Variants in PCDHA1 observed in about 807,000 individuals in gnomAD.
PCDHA1 encodes the protein protocadherin alpha 1.
PCDHA1 carries 42 observed loss-of-function variants against 61.3 expected under a neutral mutation model. That is an observed-to-expected ratio of 0.69 (90% CI 0.54 to 0.89). The LOEUF (loss-of-function observed/expected upper bound fraction) is 0.89. Ranked by LOEUF, PCDHA1 falls within the 40% of genes least tolerant of loss-of-function variation. PCDHA1 has a pLI of 0.00. For synonymous variants in PCDHA1, 610 were observed against 553.8 expected (o/e 1.10, Z -1.43); for missense variants, 1,256 against 1,235.3 (o/e 1.02, Z -0.25).
chr5:140,996,785 C>G (rs1423473534), intron 3 of PCDHA1, among the ~76,000 whole-genome samples: 2 of 152,148 alleles, frequency 1.3e-5, no homozygotes, highest in Admixed American at 6.5e-5. Context: ...TAGTGCCTCA[C>G]TCCCTACATC....
At chr5:140,853,460 T>C in intron 1 of PCDHA1, 2 of 974,384 alleles carry the variant, frequency 2.1e-6, no homozygotes, top group Non-Finnish European at 2.5e-6. Flanking sequence ...TCTCCTTATA[T>C]GCATCTGTAG....
chr5:140,802,698 G>C (rs781931721), intron 1 of PCDHA1: 2 of 1,612,730 alleles, frequency 1.2e-6, no homozygotes, highest in Non-Finnish European at 1.7e-6. Context: ...GCGGGTGGGG[G>C]AGCGCGCGCT....
intron 1 of PCDHA1, among the ~76,000 whole-genome samples, chr5:140,879,426 G>T (rs2057986144): frequency 6.6e-6 from 1 of 152,302 alleles, no homozygotes; most frequent in South Asian, 2.1e-4. Flanking sequence ...GAATGGAGAT[G>T]AACATTTAAG....
chr5:140,957,021 T>C (rs1431974405), intron 1 of PCDHA1, among the ~76,000 whole-genome samples: 3 of 152,182 alleles, frequency 2.0e-5, no homozygotes, highest in Non-Finnish European at 2.9e-5. Context: ...AGTGAGCATT[T>C]AGATATTTAT....
At chr5:140,804,831 C>T (rs1763466873) in intron 1 of PCDHA1, 1 of 409,854 alleles carries the variant, frequency 2.4e-6, no homozygotes, top group South Asian at 4.8e-5. Flanking sequence ...GGTTAATACT[C>T]ATTGACAGTG....
At chr5:140,817,795 A>G (rs1766205087) in intron 1 of PCDHA1, among the ~76,000 whole-genome samples, 1 of 152,196 alleles carries the variant, frequency 6.6e-6, no homozygotes, top group Non-Finnish European at 1.5e-5. Context: ...GCTGGTAAAG[A>G]AACCTTTACG....
rs2150375246 is a variant in PCDHA1, at chr5:140,844,933, C to T, written c.2394+56249C>T. Among the ~76,000 whole-genome samples the T allele has an allele frequency of 2.7e-5, 4 of 149,222 alleles. 1 individual carries two copies. Among genetic ancestry groups the T allele is most frequent in the Admixed American group, 6.7e-5 (1 of 14,882 alleles). ...GTAGAAATTGATGGAAGGGAATGAA[C>T]GATTTCTGGGACTCTGAATTCTTAC... On this transcript the variant is annotated intron_variant, in intron 1 of 3. Transcript: ENST00000504120.
intron 1 of PCDHA1, chr5:140,827,913 C>A: frequency 1.2e-6 from 1 of 854,748 alleles, no homozygotes; most frequent in Non-Finnish European, 1.8e-6. Context: ...CGCATGATGT[C>A]GCTGTCTACC....
At position 140,801,491 on chromosome 5, in the gene PCDHA1, G is replaced by A. The variant is rs138150756; in HGVS notation, c.2394+12807G>A. Reference sequence around the variant, plus strand: ...TAGACCGCGAGGAACTGTGCGGGCGGAGCGCGGAGTGCAGCATCCACCTGG... The same window carrying A: ...TAGACCGCGAGGAACTGTGCGGGCGAAGCGCGGAGTGCAGCATCCACCTGG... On this transcript the variant is annotated intron_variant, in intron 1 of 3. Transcript: ENST00000504120. 1,845 of 1,614,176 alleles carry A rather than the reference G, an allele frequency of 1.1e-3. 3 individuals are homozygous for A. The highest frequency in any genetic ancestry group is 1.4e-3 in the Non-Finnish European group (1,704 of 1,180,058).
intron 1 of PCDHA1, among the ~76,000 whole-genome samples, chr5:140,890,921 T>G (rs1165166836): frequency 6.6e-6 from 1 of 152,222 alleles, no homozygotes; most frequent in Non-Finnish European, 1.5e-5. Flanking sequence ...ATTTGAGAGT[T>G]TCCTTTAGTC....
chr5:140,905,722 T>A (rs1326323051), intron 1 of PCDHA1, among the ~76,000 whole-genome samples: 1 of 152,206 alleles, frequency 6.6e-6, no homozygotes, highest in Non-Finnish European at 1.5e-5. Context: ...AGCAGTGTTT[T>A]GTAGTTTTCC....
At chr5:140,807,760 T>C (rs782195292) in intron 1 of PCDHA1, 3 of 1,614,028 alleles carry the variant, frequency 1.9e-6, no homozygotes, top group Non-Finnish European at 2.5e-6. Context: ...TGGTAAAAGG[T>C]CTTGGGCTTA....
chr5:140,871,060 C>T (rs782751973), intron 1 of PCDHA1: 4 of 1,613,210 alleles, frequency 2.5e-6, no homozygotes, highest in Non-Finnish European at 3.4e-6. Context: ...GGTGAAGGAT[C>T]ACGGTGAGCC....
At chr5:140,823,074 G>T (rs2150121971) in intron 1 of PCDHA1, 5 of 1,613,698 alleles carry the variant, frequency 3.1e-6, no homozygotes, top group South Asian at 1.1e-5. Flanking sequence ...GCTCGCCTTC[G>T]CTGTGGGCCA....
intron 1 of PCDHA1, among the ~76,000 whole-genome samples, chr5:140,838,693 C>T (rs2150291585): frequency 7.9e-5 from 12 of 151,860 alleles, no homozygotes; most frequent in East Asian, 7.7e-4. Flanking sequence ...CCCAACATTT[C>T]GGGAGGCCGA....
intron 1 of PCDHA1, among the ~76,000 whole-genome samples, chr5:140,964,876 G>A (rs2095860081): frequency 6.6e-6 from 1 of 152,188 alleles, no homozygotes; most frequent in Non-Finnish European, 1.5e-5. Flanking sequence ...CAAATAAGAA[G>A]CAGCAGTGAT....
At chr5:140,906,609 T>C (rs376857630) in intron 1 of PCDHA1, among the ~76,000 whole-genome samples, 2 of 152,348 alleles carry the variant, frequency 1.3e-5, no homozygotes, top group East Asian at 3.9e-4. Flanking sequence ...TCATTCTGTA[T>C]TCCCTTTGCC....
At chr5:140,842,908 G>A (rs2150347706) in intron 1 of PCDHA1, 9 of 1,594,496 alleles carry the variant, frequency 5.6e-6, no homozygotes, top group African/African-American at 1.3e-5. Flanking sequence ...AGGAGCTAGA[G>A]CTGCTGCAGT....
intron 3 of PCDHA1, 66 bp from the exon 4 acceptor site, chr5:141,009,561 A>C: frequency 6.4e-7 from 1 of 1,571,278 alleles, no homozygotes; most frequent in Non-Finnish European, 8.6e-7. Context: ...CCTGTACTCT[A>C]CCAGCAGTGT....
Sources: gnomAD v4.1 joint callset for allele counts (sites outside exome capture counted in the v4.1 genomes callset) on GRCh38, gnomAD v4.1.1 for gene constraint, MANE v1.5 for transcripts, NCBI Gene and HGNC (gene_info 2026-07-23, HGNC 2026-07-21) for gene names.